KIF24: variants seen among roughly 807,000 people sequenced by gnomAD.
The protein encoded by KIF24 is kinesin-like protein KIF24.
KIF24 carries 81 observed loss-of-function variants against 118.9 expected under a neutral mutation model. That is an observed-to-expected ratio of 0.68 (90% CI 0.57 to 0.82). KIF24 has a LOEUF of 0.82. KIF24 is among the 40% of genes least tolerant of loss of function. The pLI, the probability that KIF24 is intolerant of heterozygous loss-of-function variation, is 0.00. For synonymous variants in KIF24, 599 were observed against 610.0 expected (o/e 0.98, Z 0.27); for missense variants, 1,560 against 1,661.6 (o/e 0.94, Z 1.06).
intron 3 of KIF24, among the ~76,000 whole-genome samples, chr9:34,305,501 CTG>C (rs1836879241): frequency 2.0e-5 from 3 of 152,364 alleles, no homozygotes; most frequent in East Asian, 1.9e-4. Flanking sequence ...GAAGTTCACA[CTG>C]TGAGATGCAA....
In KIF24 at chr9:34,318,422, C is replaced by T. The variant is rs1837399545; in HGVS notation, c.-25-7051G>A. 2 of 707,032 alleles carry T rather than the reference C, an allele frequency of 2.8e-6. No homozygotes were observed. The highest frequency in any genetic ancestry group is 1.5e-5 in the South Asian group (1 of 67,746). The allele number at this position is 707,032 out of a possible 1,614,324, so 43.8% of individuals were successfully genotyped here. On this transcript the variant is annotated intron_variant, in intron 1 of 12. Coordinates refer to ENST00000402558, the MANE Select transcript of KIF24 (RefSeq NM_194313.4). The surrounding 1 kb of genome is among the most constrained non-coding windows in gnomAD (Gnocchi z 4.9). ...CCCAGCCACGCGCTCCCTCCTGCTC[C>T]TCAGCGCCTTCTGCCTCCTGGCGGT...
intron 2 of KIF24, 22 bp downstream of exon 2, chr9:34,310,702 A>G: frequency 6.5e-7 from 1 of 1,545,880 alleles, no homozygotes; most frequent in Non-Finnish European, 8.7e-7. Flanking sequence ...CCCTCAAAAG[A>G]AAGAAAGATA....
chr9:34,257,384 C>G lies in KIF24; in HGVS notation c.2223G>C (p.Thr741=). The G allele has an allele frequency of 6.2e-7, 1 of 1,614,056 alleles. No individual in the cohort carries two copies. Among genetic ancestry groups the G allele is most frequent in the Non-Finnish European group, 8.5e-7 (1 of 1,179,902 alleles). The part of the protein sequence containing the change: ...AEYSQDSQRG[T]PARPASEAWT... ...AAGCTTCAGAGGCAGGCCTAGCAGG[C>G]GTGCCCCTCTGGCTGTCTTGACTGT... is the stretch of plus-strand genomic sequence containing the variant. The change falls in exon 11 of 13, where the codon ACG becomes ACC. Residue 741 remains threonine (T), a synonymous_variant. Coordinates refer to ENST00000402558, the MANE Select transcript of KIF24 (RefSeq NM_194313.4).
At position 34,260,138 on chromosome 9, in the gene KIF24, C is replaced by T. The variant is rs117645177; in HGVS notation, c.1516-433G>A. ...ACTCAAAAGGCTGAGGCAGGAGGAT[C>T]GCTTGAGCCCAGGAGTTCAAGACTA... On this transcript the variant is annotated intron_variant, in intron 9 of 12. Coordinates refer to ENST00000402558, the MANE Select transcript of KIF24 (RefSeq NM_194313.4). Among the ~76,000 whole-genome samples the T allele has an allele frequency of 3.4e-4, 51 of 152,218 alleles. 1 individual carries two copies. In the East Asian group the frequency reaches 9.3e-3, roughly 28 times the overall value.
chr9:34,272,224 A>G (rs1251002993), intron 6 of KIF24, among the ~76,000 whole-genome samples: 4 of 152,242 alleles, frequency 2.6e-5, no homozygotes, highest in Admixed American at 6.5e-5. Flanking sequence ...TAGCCTAACT[A>G]AAATCCCCAG....
Position 34,257,969 on chromosome 9 carries a change from T to C in KIF24, c.1638A>G (p.Leu546=). Residue 546 remains leucine, a synonymous_variant, in exon 11 of 13, where the codon CTA becomes CTG. Transcript: ENST00000402558. ...AAGTGCAACACTTAATGCCTTTCTT[T>C]AGTTCTTTGACCCTGTAAATAATCA... The part of the protein sequence containing the change: ...TLRYADRVKE[L]KKGIKCCTSV... 6.2e-7 allele frequency: 1 copy of C among 1,602,830 alleles called. No individual in the cohort carries two copies. The highest frequency in any genetic ancestry group is 8.5e-7 in the Non-Finnish European group (1 of 1,174,430).
At chr9:34,289,123 C>T (rs1314462984) in intron 5 of KIF24, among the ~76,000 whole-genome samples, 1 of 152,156 alleles carries the variant, frequency 6.6e-6, no homozygotes, top group Non-Finnish European at 1.5e-5. Context: ...ATTCTGAACA[C>T]CTATACAATC....
intron 6 of KIF24, among the ~76,000 whole-genome samples, chr9:34,278,199 A>G (rs1835725053): frequency 6.6e-6 from 1 of 152,144 alleles, no homozygotes; most frequent in African/African-American, 2.4e-5. Context: ...ACCTGAGGTC[A>G]GGAGTTCGAG....
In KIF24 at chr9:34,257,662, T is replaced by C. The variant is rs1834907555; in HGVS notation, c.1945A>G (p.Lys649Glu). Residue 649 changes from lysine to glutamate, a missense_variant, in exon 11 of 13, where the codon AAA (lysine) becomes GAA (glutamate). By Grantham distance (56) the Lys-to-Glu change is moderately conservative. This residue lies in a region of KIF24 where 964 missense variants were observed against 988.0 expected (regional missense o/e 0.98). Transcript: ENST00000402558. Reference sequence around the variant, plus strand: ...ACATGTCCAGAGCGCACAGTTCCTTTCACAGGGCTAGCATGAATGACCCAC... The same window carrying C: ...ACATGTCCAGAGCGCACAGTTCCTTCCACAGGGCTAGCATGAATGACCCAC... ...QEWVIHASPV[K>E]GTVRSGHVAK... is the part of the protein sequence containing the mutation. 3.1e-6 allele frequency: 5 copies of C among 1,614,058 alleles called. No individual in the cohort carries two copies. In the East Asian group the frequency reaches 1.1e-4, roughly 36 times the overall value.
intron 7 of KIF24, 95 bp downstream of exon 7, chr9:34,271,714 C>T (rs1361561439): frequency 8.1e-6 from 11 of 1,356,472 alleles, no homozygotes; most frequent in Non-Finnish European, 1.0e-5. Flanking sequence ...TGAAGAACTC[C>T]ATGGTAGCAG....
At chr9:34,313,215 T>A (rs559292204) in intron 1 of KIF24, among the ~76,000 whole-genome samples, 1 of 152,044 alleles carries the variant, frequency 6.6e-6, no homozygotes, top group African/African-American at 2.4e-5. Context: ...GCCAGACATG[T>A]GAAAGAAGTC....
chr9:34,254,618 C>T, intron 12 of KIF24, 98 bp from the exon 13 acceptor site: 1 of 1,243,816 alleles, frequency 8.0e-7, no homozygotes, highest in East Asian at 2.3e-5. Context: ...AGTTTCAGAA[C>T]CCAGGCCACT....
intron 3 of KIF24, among the ~76,000 whole-genome samples, chr9:34,301,507 C>T (rs1468305046): frequency 1.3e-5 from 2 of 152,128 alleles, no homozygotes; most frequent in African/African-American, 4.8e-5. Flanking sequence ...ACCTCGGACT[C>T]CCAAAGTGCA....
intron 11 of KIF24, among the ~76,000 whole-genome samples, chr9:34,255,434 G>C (rs1322695044): frequency 1.3e-5 from 2 of 152,090 alleles, no homozygotes; most frequent in Non-Finnish European, 2.9e-5. Flanking sequence ...GAGGGGGCAG[G>C]GCTGGGTGCT....
At chr9:34,317,759 C>T (rs1452676300) in intron 1 of KIF24, among the ~76,000 whole-genome samples, 1 of 152,130 alleles carries the variant, frequency 6.6e-6, no homozygotes, top group Non-Finnish European at 1.5e-5. Flanking sequence ...CCTTATTTTA[C>T]TTAAATAACG....
In KIF24 at chr9:34,290,255, G is replaced by A. The variant is rs745743656; in HGVS notation, c.1046C>T (p.Pro349Leu). The change falls in exon 5 of 13, where the codon CCA (proline) becomes CTA (leucine). Residue 349 changes from proline (P) to leucine (L), a missense_variant. By Grantham distance (98) the Pro-to-Leu change is moderately conservative. This residue lies in a region of KIF24 where 964 missense variants were observed against 988.0 expected (regional missense o/e 0.98). Coordinates refer to ENST00000402558, the MANE Select transcript of KIF24 (RefSeq NM_194313.4). Reference sequence around the variant, plus strand: ...GATCCACACAAAGAGGTGCTTTCTTGGCTGGGACACTTCTAGTTGCCTGAA... The same window carrying A: ...GATCCACACAAAGAGGTGCTTTCTTAGCTGGGACACTTCTAGTTGCCTGAA... ...DIFRQLEVSQ[P>L]RKHLFVWISF... 9 of 1,613,774 alleles carry A rather than the reference G, an allele frequency of 5.6e-6. No individual in the cohort carries two copies. In the African/African-American group the frequency reaches 9.3e-5, roughly 17 times the overall value.
At chr9:34,304,542 G>C (rs1003401795) in intron 3 of KIF24, among the ~76,000 whole-genome samples, 5 of 152,124 alleles carry the variant, frequency 3.3e-5, no homozygotes, top group Non-Finnish European at 5.9e-5. Flanking sequence ...TATTACGATG[G>C]CTATAAGTAG....
chr9:34,300,988 G>A (rs1836684956), intron 3 of KIF24, among the ~76,000 whole-genome samples: 1 of 151,816 alleles, frequency 6.6e-6, no homozygotes, highest in Admixed American at 6.6e-5. Context: ...TTTAGCTTTT[G>A]AGTAAAGACC....
At position 34,256,173 on chromosome 9, in the gene KIF24, C is replaced by A; in HGVS notation, c.3434G>T (p.Ser1145Ile). 6.2e-7 allele frequency: 1 copy of A among 1,603,642 alleles called. No homozygotes were observed. Among genetic ancestry groups the A allele is most frequent in the Non-Finnish European group, 8.5e-7 (1 of 1,173,260 alleles). Residue 1145 changes from serine to isoleucine, a missense_variant, in exon 11 of 13, where the codon AGC (serine) becomes ATC (isoleucine). Transcript: ENST00000402558. ...GGCCTCTCCTAGGTCTGCCTCCCTGCTGGGCAGCTTGTCAGCTGGGTGCTG... is the reference window on the plus strand; with the variant it reads ...GGCCTCTCCTAGGTCTGCCTCCCTGATGGGCAGCTTGTCAGCTGGGTGCTG... ...IRQHPADKLP[S>I]READLGEACQ...
Sources: allele counts gnomAD v4.1 joint callset (sites outside exome capture counted in the v4.1 genomes callset), GRCh38; gene constraint gnomAD v4.1.1; regional missense constraint gnomAD v4.1.1; non-coding constraint Gnocchi (gnomAD v3.1); transcripts MANE v1.5; gene names NCBI Gene and HGNC (gene_info 2026-07-23, HGNC 2026-07-21).